The following RPTOR variants were observed in gnomAD, a reference collection of about 807,000 sequenced individuals.
RPTOR encodes the protein regulatory-associated protein of mTOR.
Under a neutral mutation model 169.9 loss-of-function variants are expected in RPTOR, and 21 were observed. That is an observed-to-expected ratio of 0.12 (90% CI 0.09 to 0.18). RPTOR has a LOEUF of 0.18. RPTOR is among the 10% of genes least tolerant of loss of function. The pLI is 1.00. For missense variants in RPTOR, 1,133 were observed against 1,855.9 expected, an observed-to-expected ratio of 0.61 and a Z score of 7.16; for synonymous variants, 732 against 753.2, an observed-to-expected ratio of 0.97 and a Z score of 0.46.
Position 80,613,936 on chromosome 17 carries a change from G to A in RPTOR, c.163-11755G>A, listed in dbSNP as rs147380611. ...ATCATCTCTGCACCCAGATGTGGCC[G>A]TGCTGAGTGGATTCCTGCCCCAGAT... is the stretch of plus-strand genomic sequence containing the variant. On this transcript the variant is annotated intron_variant, in intron 1 of 33. Transcript: ENST00000306801. Among the ~76,000 whole-genome samples the A allele has an allele frequency of 1.1e-4, 16 of 152,362 alleles. No individual in the cohort carries two copies. The East Asian group carries it at 2.7e-3, about 26-fold the overall frequency.
chr17:80,836,882 G>A (rs967431400), intron 9 of RPTOR, among the ~76,000 whole-genome samples: 4 of 152,186 alleles, frequency 2.6e-5, no homozygotes, highest in Non-Finnish European at 5.9e-5. Flanking sequence ...TCAGACTGCC[G>A]GCTGTTCCTA....
chr17:80,664,111 T>C (rs1021114381), intron 3 of RPTOR, among the ~76,000 whole-genome samples: 9 of 152,044 alleles, frequency 5.9e-5, no homozygotes, highest in Non-Finnish European at 2.9e-5. Flanking sequence ...GGTGGAGTGT[T>C]TATGACTTAG....
rs765375579 is a variant in RPTOR at position 80,936,180 on chromosome 17, A to C, written c.2920-4316A>C. On this transcript the variant is annotated intron_variant, in intron 24 of 33. Transcript: ENST00000306801. This position sits in a 1 kb window ranked among gnomAD's most constrained non-coding sequence, Gnocchi z 4.1. The stretch of plus-strand genomic sequence containing the variant: ...GAGATCCCACTACACACCTGTTAGA[A>C]TGTCTCGAATCTTAAAATCTACCAA... Among the ~76,000 whole-genome samples the C allele has an allele frequency of 1.1e-3, 174 of 152,370 alleles. 1 individual carries two copies. The highest frequency in any genetic ancestry group is 1.9e-3 in the Non-Finnish European group (131 of 68,036).
chr17:80,712,959 C>T (rs1043790039), intron 4 of RPTOR, among the ~76,000 whole-genome samples: 2 of 152,162 alleles, frequency 1.3e-5, no homozygotes, highest in African/African-American at 4.8e-5. Context: ...CGTGTTATAT[C>T]TTCTTTGATG....
chr17:80,731,803 T>C (rs753693494), intron 5 of RPTOR, among the ~76,000 whole-genome samples: 7 of 152,240 alleles, frequency 4.6e-5, no homozygotes, highest in Non-Finnish European at 7.3e-5. Context: ...CATTTCATCA[T>C]AGAAAAATGC....
chr17:80,646,773 CT>C lies in RPTOR; in HGVS notation c.348+2966del, dbSNP rs1234339283. Among the ~76,000 whole-genome samples the C allele has an allele frequency of 6.6e-6, 1 of 152,208 alleles. No individual in the cohort carries two copies. The highest frequency in any genetic ancestry group is 1.9e-4 in the East Asian group (1 of 5,180). The stretch of plus-strand genomic sequence containing the variant: ...TATCTGGTTTTCTCTTTCTCTGTGT[CT>C]TTATTGCAAGAGTGGAAAACCTTGG... On this transcript the variant is annotated intron_variant, in intron 3 of 33. Coordinates refer to ENST00000306801, the MANE Select transcript of RPTOR (RefSeq NM_020761.3). This position sits in a 1 kb window ranked among gnomAD's most constrained non-coding sequence, Gnocchi z 5.0.
In RPTOR at chr17:80,823,293, G is replaced by A. The variant is rs1365516323; in HGVS notation, c.1136+70G>A. 3.2e-6 allele frequency: 5 copies of A among 1,578,566 alleles called. No individual in the cohort carries two copies. Among genetic ancestry groups the A allele is most frequent in the Non-Finnish European group, 4.3e-6 (5 of 1,159,674 alleles). ...CGTGGCACTGTGATGTCATGGAATTGCACGGAGCTGGGCAGGGAGGCCCCA... is the reference window on the plus strand; with the variant it reads ...CGTGGCACTGTGATGTCATGGAATTACACGGAGCTGGGCAGGGAGGCCCCA... On this transcript the variant is annotated intron_variant, in intron 9 of 33. Coordinates refer to ENST00000306801, the MANE Select transcript of RPTOR (RefSeq NM_020761.3). This position sits in a 1 kb window ranked among gnomAD's most constrained non-coding sequence, Gnocchi z 4.5.
rs374026112 is a variant in RPTOR at position 80,841,220 on chromosome 17, G to C, written c.1212+3223G>C. Among the ~76,000 whole-genome samples, 96 of 49,850 alleles carry C rather than the reference G, an allele frequency of 1.9e-3. 11 individuals carry two copies. Among genetic ancestry groups the C allele is most frequent in the South Asian group, 2.8e-3 (3 of 1,082 alleles). 32.7% of individuals were successfully genotyped at this position (49,850 alleles called of 152,430 possible). On this transcript the variant is annotated intron_variant, in intron 10 of 33. Coordinates refer to ENST00000306801, the MANE Select transcript of RPTOR (RefSeq NM_020761.3). ...GCACGGCAGCTCACTCTCACCGCACGGCAGCTCACTCTCACCGCACGGCAG... is the reference window on the plus strand; with the variant it reads ...GCACGGCAGCTCACTCTCACCGCACCGCAGCTCACTCTCACCGCACGGCAG...
At chr17:80,548,023 C>G (rs2084297856) in intron 1 of RPTOR, among the ~76,000 whole-genome samples, 1 of 151,446 alleles carries the variant, frequency 6.6e-6, no homozygotes, top group African/African-American at 2.4e-5. Flanking sequence ...ACCAAACACA[C>G]TGTAGTCCAA....
chr17:80,907,933 C>T (rs2068564227), intron 20 of RPTOR, among the ~76,000 whole-genome samples: 1 of 152,192 alleles, frequency 6.6e-6, no homozygotes, highest in Non-Finnish European at 1.5e-5. Flanking sequence ...CTCCTTCCTG[C>T]ATCTCCCTGA....
At chr17:80,840,293 C>CGCAGCTCACACTCACCGCACG (rs2067613559) in intron 10 of RPTOR, among the ~76,000 whole-genome samples, 1 of 150,900 alleles carries the variant, frequency 6.6e-6, no homozygotes. Context: ...CTCTCTGCAC[C>CGCAGCTCACACTCACCGCACG]GCAGCTCACA....
chr17:80,943,444 A>G (rs997890571), intron 25 of RPTOR, among the ~76,000 whole-genome samples: 7 of 152,174 alleles, frequency 4.6e-5, no homozygotes, highest in African/African-American at 1.7e-4. Context: ...AACGGGAAAC[A>G]GGGCCTCCCC....
chr17:80,930,544 T>C (rs1202351310), intron 24 of RPTOR, among the ~76,000 whole-genome samples: 3 of 13,066 alleles, frequency 2.3e-4, no homozygotes, highest in Non-Finnish European at 5.3e-4. Context: ...TGCTGTGGGC[T>C]TCACCCGCCT....
At chr17:80,652,353 G>A (rs1028078501) in intron 3 of RPTOR, among the ~76,000 whole-genome samples, 10 of 152,184 alleles carry the variant, frequency 6.6e-5, no homozygotes, top group African/African-American at 2.4e-4. Flanking sequence ...CCTGCCTTCT[G>A]TCTCTGGAGA....
chr17:80,855,269 C>A (rs73351957), intron 11 of RPTOR, among the ~76,000 whole-genome samples, 195 bp from the exon 12 acceptor site: 31,953 of 152,196 alleles, frequency 0.21, 8,830 homozygotes, highest in African/African-American at 0.64. Flanking sequence ...GTAATAAAGG[C>A]ATAAAGCGTG....
chr17:80,770,863 T>G (rs2066835924), intron 6 of RPTOR, among the ~76,000 whole-genome samples: 1 of 152,206 alleles, frequency 6.6e-6, no homozygotes, highest in Non-Finnish European at 1.5e-5. Flanking sequence ...CACCCACCTC[T>G]TTCCTTAAAT....
chr17:80,743,378 G>T (rs1002020790), intron 5 of RPTOR: 1 of 985,430 alleles, frequency 1.0e-6, no homozygotes, highest in African/African-American at 1.7e-5. Flanking sequence ...GCCTGAAGGA[G>T]ATGTCTAACC....
chr17:80,896,059 T>G (rs1051249145), intron 20 of RPTOR, among the ~76,000 whole-genome samples: 1 of 152,192 alleles, frequency 6.6e-6, no homozygotes, highest in Admixed American at 6.5e-5. Context: ...GGGCCTTTTG[T>G]GTCTTGTTTT....
chr17:80,855,374 C>G (rs1056007821), intron 11 of RPTOR, 90 bp from the exon 12 acceptor site: 1 of 929,530 alleles, frequency 1.1e-6, no homozygotes, highest in Non-Finnish European at 1.8e-6. Context: ...GTGGTCAGAC[C>G]GCTCCAAAGC....
Sources: allele counts gnomAD v4.1 joint callset (sites outside exome capture counted in the v4.1 genomes callset), GRCh38; gene constraint gnomAD v4.1.1; non-coding constraint Gnocchi (gnomAD v3.1); transcripts MANE v1.5; gene names NCBI Gene and HGNC (gene_info 2026-07-23, HGNC 2026-07-21).